TMEM220: variants seen among roughly 807,000 people sequenced by gnomAD.
The protein encoded by TMEM220 is transmembrane protein 220.
In TMEM220, 21 loss-of-function variants were observed where a neutral mutation model predicts 21.7. The ratio of observed to expected loss-of-function variants is 0.97; its 90% CI spans 0.69 to 1.39. The LOEUF is 1.39. TMEM220 is among the 40% of genes most tolerant of loss of function. The pLI is 0.00. For missense variants in TMEM220, 191 were observed against 201.9 expected (o/e 0.95, Z 0.33); for synonymous variants, 80 against 73.6 (o/e 1.09, Z -0.45).
intron 4 of TMEM220, among the ~76,000 whole-genome samples, chr17:10,723,675 A>G (rs2151477879): frequency 6.6e-6 from 1 of 152,336 alleles, no homozygotes; most frequent in South Asian, 2.1e-4. Flanking sequence ...CAGTGCAACT[A>G]AGAAAATCCC....
chr17:10,719,370 G>A (rs751063037), intron 5 of TMEM220, among the ~76,000 whole-genome samples: 1 of 151,940 alleles, frequency 6.6e-6, no homozygotes, highest in African/African-American at 2.4e-5. Context: ...TCCACCTCCC[G>A]GTTTCTCCTG....
At chr17:10,728,528 C>T (rs1252098787) in intron 2 of TMEM220, among the ~76,000 whole-genome samples, 1 of 152,132 alleles carries the variant, frequency 6.6e-6, no homozygotes, top group Non-Finnish European at 1.5e-5. Context: ...TCAGGCTGAT[C>T]TAGAACTCCT....
intron 2 of TMEM220, among the ~76,000 whole-genome samples, chr17:10,727,228 C>T (rs1448603906): frequency 1.1e-4 from 16 of 151,992 alleles, no homozygotes. Flanking sequence ...AGGCTGGCCT[C>T]GAACTCCTGG....
downstream of TMEM220, chr17:10,713,209 T>A (rs183923715): frequency 6.6e-6 from 1 of 150,422 alleles, no homozygotes; most frequent in Non-Finnish European, 1.5e-5. Context: ...AGGTGGAGAT[T>A]GTAGTGAACT....
intron 5 of TMEM220, chr17:10,716,593 T>G (rs1304040102): frequency 2.1e-6 from 1 of 472,698 alleles, no homozygotes; most frequent in Non-Finnish European, 4.2e-6. Flanking sequence ...CTGTTTTGCT[T>G]TTTTATAATA....
intron 2 of TMEM220, among the ~76,000 whole-genome samples, chr17:10,727,951 G>A (rs898492699): frequency 3.9e-5 from 6 of 152,084 alleles, no homozygotes; most frequent in Admixed American, 1.3e-4. Context: ...ACCTGAGGTC[G>A]AGAGTTCAAG....
rs2151468967 is a variant in TMEM220, at chr17:10,715,427, T to C, written c.*26A>G. ...TAAAAAATTGATTGAAAATATTCAT[T>C]TTAAAAACGAAGTTCTTGAATTTAT... On this transcript the variant is annotated 3_prime_UTR_variant, in exon 6 of 6. Transcript: ENST00000341871. The C allele has an allele frequency of 1.9e-6, 3 of 1,573,222 alleles. No individual in the cohort carries two copies. The highest frequency in any genetic ancestry group is 2.6e-6 in the Non-Finnish European group (3 of 1,168,810).
Position 10,729,947 on chromosome 17 carries a change from C to G in TMEM220, c.-96G>C. On this transcript the variant is annotated 5_prime_UTR_variant, in exon 1 of 6. Transcript: ENST00000341871. The stretch of plus-strand genomic sequence containing the variant: ...CCGCCTTCCTCCTTGCGCGGAGGGA[C>G]CGAGACCCCCGCCTCGGTTTCGGTG... The G allele has an allele frequency of 8.1e-7, 1 of 1,234,224 alleles. No individual in the cohort carries two copies. Among genetic ancestry groups the G allele is most frequent in the Non-Finnish European group, 1.0e-6 (1 of 987,934 alleles). 76.5% of individuals were successfully genotyped at this position (1,234,224 alleles called of 1,614,324 possible). A position where few individuals can be genotyped will look rare whatever the true frequency, so the allele number is the denominator to read the frequency against.
At chr17:10,712,468 A>T (rs2074860800), downstream of TMEM220, among the ~76,000 whole-genome samples, 1 of 152,226 alleles carries the variant, frequency 6.6e-6, no homozygotes, top group African/African-American at 2.4e-5. Flanking sequence ...GCCACTGTTC[A>T]GCTGACCACA....
intron 5 of TMEM220, among the ~76,000 whole-genome samples, chr17:10,717,899 C>T (rs200815046): frequency 1.3e-5 from 2 of 151,982 alleles, no homozygotes; most frequent in East Asian, 3.9e-4. Flanking sequence ...CGGCTCATCG[C>T]AACCTCTGCC....
At position 10,725,031 on chromosome 17, in the gene TMEM220, GATGTT is replaced by G. The variant is rs760342614; in HGVS notation, c.262_266del (p.Asn88LeufsTer3). ...CTCACCTGCCTTCTTCCTCATGTAA[GATGTT>G]CTGTTGTGTACGATGCAAGAGGTAG... is the stretch of plus-strand genomic sequence containing the variant. On this transcript the variant is annotated frameshift_variant, in exon 4 of 6. Coordinates refer to ENST00000341871, the MANE Select transcript of TMEM220 (RefSeq NM_001004313.3). LOFTEE classifies it high-confidence loss of function. The G allele has an allele frequency of 1.2e-6, 2 of 1,614,016 alleles. No individual in the cohort carries two copies.
intron 5 of TMEM220, among the ~76,000 whole-genome samples, chr17:10,721,613 A>T (rs1448121676): frequency 7.5e-6 from 1 of 133,358 alleles, no homozygotes; most frequent in Non-Finnish European, 1.6e-5. Context: ...TCAAAAAAAA[A>T]AAAAAAGAAA....
chr17:10,719,912 T>C (rs890630678), intron 5 of TMEM220, among the ~76,000 whole-genome samples: 5 of 152,152 alleles, frequency 3.3e-5, no homozygotes, highest in Admixed American at 6.5e-5. Flanking sequence ...TGCTCAGAGA[T>C]AGACCAAGAT....
chr17:10,715,707 T>C (rs2074908413), intron 5 of TMEM220, 119 bp from the exon 6 acceptor site: 1 of 659,192 alleles, frequency 1.5e-6, no homozygotes, highest in Non-Finnish European at 2.4e-6. Flanking sequence ...TCAGTTGTTT[T>C]ATTGAAATAT....
rs534219906 is a variant in TMEM220, at chr17:10,723,095, C to T, written c.347+175G>A. On this transcript the variant is annotated intron_variant, in intron 5 of 5. Coordinates refer to ENST00000341871, the MANE Select transcript of TMEM220 (RefSeq NM_001004313.3). ...TCCCGGGTTCAAGCGATTCCCCTGC[C>T]TCAGCCTCCCAAGTAGCTGGGACTA... Among the ~76,000 whole-genome samples, 8 of 152,142 alleles carry T rather than the reference C, an allele frequency of 5.3e-5. No homozygotes were observed. In the South Asian group the frequency reaches 8.3e-4, roughly 16 times the overall value.
chr17:10,712,882 T>C (rs2074863973), downstream of TMEM220, among the ~76,000 whole-genome samples: 1 of 152,132 alleles, frequency 6.6e-6, no homozygotes, highest in Non-Finnish European at 1.5e-5. Flanking sequence ...TGCCAGATAG[T>C]GTGGAGCCCT....
At chr17:10,723,751 A>AC in intron 4 of TMEM220, among the ~76,000 whole-genome samples, 1 of 139,888 alleles carries the variant, frequency 7.1e-6, no homozygotes, top group South Asian at 2.2e-4. Context: ...ATGAGCCCAA[A>AC]CCAATACATG....
chr17:10,728,733 CA>C (rs2075082654), intron 2 of TMEM220, among the ~76,000 whole-genome samples: 1 of 152,146 alleles, frequency 6.6e-6, no homozygotes, highest in South Asian at 2.1e-4. Flanking sequence ...AGGAATTGTT[CA>C]ACTGATCTTG....
rs112717316 is a variant in TMEM220 at position 10,724,452 on chromosome 17, C to T, written c.287+559G>A. 3.8e-3 allele frequency: 575 copies of T among 152,938 alleles called. 4 individuals carry two copies. The highest frequency in any genetic ancestry group is 5.4e-3 in the Non-Finnish European group (373 of 68,604). The allele number at this position is 152,938 out of a possible 1,614,324, so 9.5% of individuals were successfully genotyped here. A position where few individuals can be genotyped will look rare whatever the true frequency, so the allele number is the denominator to read the frequency against. On this transcript the variant is annotated intron_variant, in intron 4 of 5. Coordinates refer to ENST00000341871, the MANE Select transcript of TMEM220 (RefSeq NM_001004313.3). ...AAAATTAGCTGGCCGTGGTGGCACG[C>T]ACCTGTAATCCCAGCTACTCAGGAG...
Sources: gnomAD v4.1 joint callset for allele counts (sites outside exome capture counted in the v4.1 genomes callset) on GRCh38, gnomAD v4.1.1 for gene constraint, MANE v1.5 for transcripts, NCBI Gene and HGNC (gene_info 2026-07-23, HGNC 2026-07-21) for gene names.